EPHA5: variants seen among roughly 807,000 people sequenced by gnomAD.
The protein encoded by EPHA5 is ephrin type-A receptor 5.
In EPHA5, 60 loss-of-function variants were observed where a neutral mutation model predicts 105.0. The ratio of observed to expected loss-of-function variants is 0.57; its 90% CI spans 0.46 to 0.71. EPHA5 has a LOEUF of 0.71. EPHA5 is among the 30% of genes least tolerant of loss of function. The pLI is 0.00. For synonymous variants in EPHA5, 513 were observed against 449.1 expected (o/e 1.14, Z -1.80); for missense variants, 1,218 against 1,274.7 (o/e 0.96, Z 0.68).
intron 11 of EPHA5, among the ~76,000 whole-genome samples, chr4:65,362,875 G>A (rs781457753): frequency 6.6e-6 from 1 of 151,580 alleles, no homozygotes; most frequent in African/African-American, 2.4e-5. Flanking sequence ...TTTAGCTAGA[G>A]AGCTGAAAAA....
At chr4:65,428,320 A>T (rs1016211244) in intron 5 of EPHA5, among the ~76,000 whole-genome samples, 3 of 152,136 alleles carry the variant, frequency 2.0e-5, no homozygotes, top group Non-Finnish European at 2.9e-5. Context: ...AATTTTATAT[A>T]CTTACATACT....
At chr4:65,555,053 C>T (rs1277934034) in intron 3 of EPHA5, among the ~76,000 whole-genome samples, 2 of 139,816 alleles carry the variant, frequency 1.4e-5, no homozygotes, top group African/African-American at 5.4e-5. Context: ...TTGTCTTCTA[C>T]ACAGGTTATT....
At chr4:65,345,261 C>A (rs1029198043) in intron 14 of EPHA5, among the ~76,000 whole-genome samples, 2 of 152,142 alleles carry the variant, frequency 1.3e-5, no homozygotes, top group African/African-American at 4.8e-5. Flanking sequence ...ATAAAGAAAA[C>A]CAATTTTAGC....
At chr4:65,436,852 C>T (rs1725526669) in intron 5 of EPHA5, among the ~76,000 whole-genome samples, 1 of 151,914 alleles carries the variant, frequency 6.6e-6, no homozygotes, top group South Asian at 2.1e-4. Context: ...AGTCTTTTTC[C>T]CCCCTTTATT....
chr4:65,452,924 T>G (rs2149110657), intron 5 of EPHA5, among the ~76,000 whole-genome samples: 1 of 152,308 alleles, frequency 6.6e-6, no homozygotes, highest in South Asian at 2.1e-4. Context: ...TTGTGCTGAC[T>G]TGGTCAGCAT....
chr4:65,617,368 T>A (rs1425801617), intron 2 of EPHA5, among the ~76,000 whole-genome samples: 2 of 152,066 alleles, frequency 1.3e-5, no homozygotes, highest in African/African-American at 4.8e-5. Flanking sequence ...CCATCACCAG[T>A]ATTATGTCTA....
chr4:65,370,927 G>T (rs1414762784), intron 8 of EPHA5, among the ~76,000 whole-genome samples: 1 of 152,050 alleles, frequency 6.6e-6, no homozygotes, highest in African/African-American at 2.4e-5. Flanking sequence ...TGGTACTCAG[G>T]CAGCATTCAG....
chr4:65,512,414 T>C (rs1279043314), intron 3 of EPHA5, among the ~76,000 whole-genome samples: 1 of 152,116 alleles, frequency 6.6e-6, no homozygotes, highest in Non-Finnish European at 1.5e-5. Context: ...TAATCCCCAA[T>C]GTTGGAGGTA....
chr4:65,663,954 A>C (rs1749754924), intron 1 of EPHA5, among the ~76,000 whole-genome samples: 1 of 151,980 alleles, frequency 6.6e-6, no homozygotes, highest in Non-Finnish European at 1.5e-5. Context: ...CTTTATTACA[A>C]GAACATTTTG....
chr4:65,486,016 A>G (rs949976797), intron 5 of EPHA5, among the ~76,000 whole-genome samples: 2 of 152,184 alleles, frequency 1.3e-5, no homozygotes, highest in South Asian at 4.1e-4. Flanking sequence ...ATCAGGAAAC[A>G]TTAACCACCA....
chr4:65,634,303 T>C (rs1004382158), intron 2 of EPHA5, among the ~76,000 whole-genome samples: 6 of 152,142 alleles, frequency 3.9e-5, no homozygotes, highest in Admixed American at 6.6e-5. Context: ...ATGAAGCTAA[T>C]GAACAAATAA....
intron 3 of EPHA5, among the ~76,000 whole-genome samples, chr4:65,518,636 T>A (rs1049337769): frequency 6.6e-6 from 1 of 152,004 alleles, no homozygotes; most frequent in Admixed American, 6.6e-5. Flanking sequence ...TATCATTATG[T>A]TCTTACGTCA....
intron 3 of EPHA5, among the ~76,000 whole-genome samples, chr4:65,572,703 G>A (rs1205327082): frequency 6.6e-6 from 1 of 152,138 alleles, no homozygotes; most frequent in Admixed American, 6.5e-5. Flanking sequence ...AAACAAGAGA[G>A]CATGTCCTTT....
chr4:65,489,635 C>T (rs1731217102), intron 5 of EPHA5, among the ~76,000 whole-genome samples: 1 of 152,140 alleles, frequency 6.6e-6, no homozygotes, highest in Non-Finnish European at 1.5e-5. Context: ...ATTAAATTAG[C>T]TGTAGTTTAT....
Position 65,669,671 on chromosome 4 carries a change from G to A in EPHA5, c.72C>T (p.Thr24=). 1 of 1,342,554 alleles carries A rather than the reference G, an allele frequency of 7.4e-7. No homozygotes were observed. Among genetic ancestry groups the A allele is most frequent in the Non-Finnish European group, 9.6e-7 (1 of 1,042,106 alleles). The allele number at this position is 1,342,554 out of a possible 1,614,324, so 83.2% of individuals were successfully genotyped here. Residue 24 remains threonine, a synonymous_variant, in exon 1 of 17, where the codon ACC becomes ACT. Coordinates refer to ENST00000613740, the MANE Select transcript of EPHA5 (RefSeq NM_001281766.3). ...PPSGGGDTPI[T]PASLAGCYSA... is the part of the protein sequence containing the mutation. Reference sequence around the variant, plus strand: ...AGTAGCAGCCGGCCAGGGACGCTGGGGTGATGGGGGTGTCGCCGCCGCCGC... The same window carrying A: ...AGTAGCAGCCGGCCAGGGACGCTGGAGTGATGGGGGTGTCGCCGCCGCCGC...
At chr4:65,550,065 C>T (rs1487059987) in intron 3 of EPHA5, among the ~76,000 whole-genome samples, 2 of 151,694 alleles carry the variant, frequency 1.3e-5, no homozygotes, top group Non-Finnish European at 2.9e-5. Flanking sequence ...AACACACCCA[C>T]AAAAATCCTT....
intron 3 of EPHA5, among the ~76,000 whole-genome samples, chr4:65,598,680 G>T (rs1472005960): frequency 6.6e-6 from 1 of 152,100 alleles, no homozygotes; most frequent in African/African-American, 2.4e-5. Flanking sequence ...GATTGATTGG[G>T]GCATCTTCTC....
chr4:65,324,286 G>C (rs1328987461), intron 16 of EPHA5, 67 bp from the exon 17 acceptor site: 1 of 1,043,464 alleles, frequency 9.6e-7, no homozygotes, highest in Non-Finnish European at 1.5e-6. Flanking sequence ...ATTTCATGTT[G>C]GCAAAGGGGC....
At chr4:65,556,130 T>C (rs1738414409) in intron 3 of EPHA5, among the ~76,000 whole-genome samples, 2 of 152,210 alleles carry the variant, frequency 1.3e-5, no homozygotes, top group African/African-American at 4.8e-5. Context: ...TAGCCAGTTC[T>C]GGTATGGACA....
Sources: allele counts gnomAD v4.1 joint callset (sites outside exome capture counted in the v4.1 genomes callset), GRCh38; gene constraint gnomAD v4.1.1; transcripts MANE v1.5; gene names NCBI Gene and HGNC (gene_info 2026-07-23, HGNC 2026-07-21).